Variants in ADCY2 observed in about 807,000 individuals in gnomAD.
ADCY2 encodes adenylate cyclase 2.
In ADCY2, 31 loss-of-function variants were observed where a neutral mutation model predicts 125.2. The ratio of observed to expected loss-of-function variants is 0.25; its 90% CI spans 0.19 to 0.33. The LOEUF is 0.33. ADCY2 is among the 10% of genes least tolerant of loss of function. The pLI, the probability that ADCY2 is intolerant of heterozygous loss-of-function variation, is 1.00. For missense variants in ADCY2, 904 were observed against 1,418.2 expected (o/e 0.64, Z 5.82); for synonymous variants, 512 against 548.4 (o/e 0.93, Z 0.93).
At chr5:7,406,880 C>A (rs1739507826) in intron 1 of ADCY2, among the ~76,000 whole-genome samples, 1 of 152,176 alleles carries the variant, frequency 6.6e-6, no homozygotes, top group African/African-American at 2.4e-5. Context: ...CTATTTTTCT[C>A]TGCCTTCTCA....
chr5:7,403,305 G>A (rs962281263), intron 1 of ADCY2, among the ~76,000 whole-genome samples: 24 of 152,016 alleles, frequency 1.6e-4, no homozygotes, highest in Non-Finnish European at 2.8e-4. Context: ...AATTAAATAC[G>A]GAGATCAGGT....
chr5:7,769,938 T>C lies in ADCY2; in HGVS notation c.2215-2994T>C, dbSNP rs192228885. Among the ~76,000 whole-genome samples, 174 of 152,340 alleles carry C rather than the reference T, an allele frequency of 1.1e-3. 3 individuals carry two copies. The highest frequency in any genetic ancestry group is 0.01 in the Admixed American group (160 of 15,296). On this transcript the variant is annotated intron_variant, in intron 17 of 24. Transcript: ENST00000338316. ...CAATAGAAGTCGGTTCAGTATCCTA[T>C]TGCCAGAATCGCTGACTATCTGGAG...
In ADCY2 at chr5:7,746,490, C is replaced by T. The variant is rs562286458; in HGVS notation, c.1956+2738C>T. ...CAGCCAATTTAAGAAGGCTTAAGTG[C>T]ACTCTGCACTCTGCCATCCAAATTC... On this transcript the variant is annotated intron_variant, in intron 15 of 24. Transcript: ENST00000338316. The T allele has an allele frequency of 5.6e-4, 85 of 152,338 alleles. 1 individual carries two copies. The highest frequency in any genetic ancestry group is 1.9e-3 in the African/African-American group (80 of 41,582). The allele number at this position is 152,338 out of a possible 1,614,324, so 9.4% of individuals were successfully genotyped here. A position where few individuals can be genotyped will look rare whatever the true frequency, so the allele number is the denominator to read the frequency against.
chr5:7,702,281 A>G (rs1741107337), intron 7 of ADCY2, among the ~76,000 whole-genome samples: 2 of 149,094 alleles, frequency 1.3e-5, no homozygotes, highest in South Asian at 4.3e-4. Flanking sequence ...CACAAAGTAC[A>G]GATTTGTTAT....
intron 14 of ADCY2, among the ~76,000 whole-genome samples, chr5:7,727,492 GA>G (rs1478264435): frequency 6.6e-6 from 1 of 152,034 alleles, no homozygotes; most frequent in African/African-American, 2.4e-5. Flanking sequence ...TCTAGGGATT[GA>G]AAAAAACAAT....
At chr5:7,413,877 TAAATGTAAAG>T (rs1392395255) in intron 1 of ADCY2, among the ~76,000 whole-genome samples, 1 of 152,160 alleles carries the variant, frequency 6.6e-6, no homozygotes, top group Non-Finnish European at 1.5e-5. Context: ...TGTGTCAAAA[TAAATGTAAAG>T]AAATACATTA....
intron 2 of ADCY2, among the ~76,000 whole-genome samples, chr5:7,442,499 T>C (rs1248434931): frequency 6.6e-6 from 1 of 152,158 alleles, no homozygotes; most frequent in African/African-American, 2.4e-5. Flanking sequence ...GTTCCCCTGG[T>C]TGTGATCAGG....
intron 11 of ADCY2, among the ~76,000 whole-genome samples, chr5:7,714,492 C>T (rs72710501): frequency 0.12 from 18,483 of 152,222 alleles, 1,224 homozygotes; most frequent in African/African-American, 0.13. Context: ...GTCTCTGCAG[C>T]GTTACTGCAA....
At chr5:7,727,840 G>A (rs1218434631) in intron 14 of ADCY2, among the ~76,000 whole-genome samples, 1 of 152,036 alleles carries the variant, frequency 6.6e-6, no homozygotes, top group African/African-American at 2.4e-5. Flanking sequence ...ATGCTTCGAG[G>A]TGAATTCCTT....
intron 14 of ADCY2, among the ~76,000 whole-genome samples, chr5:7,728,903 G>A (rs559196715): frequency 2.0e-5 from 3 of 152,112 alleles, no homozygotes; most frequent in Non-Finnish European, 4.4e-5. Flanking sequence ...CAGGAAAAAC[G>A]TTTCATGGGA....
Position 7,774,552 on chromosome 5 carries a change from G to A in ADCY2, c.2384+1451G>A, listed in dbSNP as rs1012080400. ...GCAAAAGAAGAAATCAGATTAGCAA[G>A]TTTCTGGTGTGGAGAGAATTGCTTC... On this transcript the variant is annotated intron_variant, in intron 18 of 24. Transcript: ENST00000338316. 3.3e-5 allele frequency among the ~76,000 whole-genome samples: 5 copies of A among 152,308 alleles called. No homozygotes were observed. The South Asian group carries it at 6.2e-4, about 19-fold the overall frequency.
At chr5:7,533,810 G>A (rs1186373369) in intron 3 of ADCY2, among the ~76,000 whole-genome samples, 2 of 151,870 alleles carry the variant, frequency 1.3e-5, no homozygotes, top group African/African-American at 2.4e-5. Flanking sequence ...CTTTCTTTTT[G>A]TCAATGTGTT....
In ADCY2 at chr5:7,739,042, A is replaced by T. The variant is rs184042515; in HGVS notation, c.1872-4626A>T. Among the ~76,000 whole-genome samples, 1,039 of 152,006 alleles carry T rather than the reference A, an allele frequency of 6.8e-3. 5 individuals carry two copies. The highest frequency in any genetic ancestry group is 0.011 in the Non-Finnish European group (728 of 67,774). The stretch of plus-strand genomic sequence containing the variant: ...GAATATATAGGAGGTCTGAGCAACA[A>T]TATCAACTTCCTAAAACTAATTAAT... On this transcript the variant is annotated intron_variant, in intron 14 of 24. Coordinates refer to ENST00000338316, the MANE Select transcript of ADCY2 (RefSeq NM_020546.3).
intron 3 of ADCY2, among the ~76,000 whole-genome samples, chr5:7,572,820 G>T (rs1349417633): frequency 1.3e-5 from 2 of 152,222 alleles, no homozygotes; most frequent in East Asian, 3.9e-4. Flanking sequence ...ATGGTGTAAG[G>T]AAGGGGTCCA....
intron 3 of ADCY2, among the ~76,000 whole-genome samples, chr5:7,543,658 A>G (rs983627400): frequency 6.6e-6 from 1 of 152,090 alleles, no homozygotes; most frequent in African/African-American, 2.4e-5. Context: ...ATCATCTTAG[A>G]TCTCTCTTCC....
intron 4 of ADCY2, among the ~76,000 whole-genome samples, chr5:7,652,519 A>G (rs1052065159): frequency 2.0e-5 from 3 of 152,226 alleles, no homozygotes; most frequent in Non-Finnish European, 4.4e-5. Flanking sequence ...GGTATGACGC[A>G]TTTTGGATAT....
intron 2 of ADCY2, among the ~76,000 whole-genome samples, chr5:7,497,036 C>T (rs1444197091): frequency 6.6e-6 from 1 of 152,116 alleles, no homozygotes; most frequent in Non-Finnish European, 1.5e-5. Context: ...TTGAAGAAAA[C>T]TATCAAACTT....
At chr5:7,698,582 C>T (rs535866849) in intron 7 of ADCY2, among the ~76,000 whole-genome samples, 1 of 152,290 alleles carries the variant, frequency 6.6e-6, no homozygotes, top group South Asian at 2.1e-4. Flanking sequence ...GTTCCCCTCC[C>T]TGTGTCCATG....
At chr5:7,459,772 A>T (rs957017016) in intron 2 of ADCY2, among the ~76,000 whole-genome samples, 2 of 72,816 alleles carry the variant, frequency 2.7e-5, no homozygotes, top group South Asian at 6.0e-4. Context: ...TTAAGAGGTA[A>T]TTTTTTTTTT....
Sources: gnomAD v4.1 joint callset for allele counts (sites outside exome capture counted in the v4.1 genomes callset) on GRCh38, gnomAD v4.1.1 for gene constraint, MANE v1.5 for transcripts, NCBI Gene and HGNC (gene_info 2026-07-23, HGNC 2026-07-21) for gene names.